LINGO2: variants seen among roughly 807,000 people sequenced by gnomAD.
The protein encoded by LINGO2 is leucine-rich repeat and immunoglobulin-like domain-containing nogo receptor-interacting protein 2.
LINGO2 carries 14 observed loss-of-function variants against 30.6 expected under a neutral mutation model. The observed-to-expected ratio is 0.46, with a 90% CI of 0.30 to 0.72. The LOEUF is 0.72. Among genes scored for constraint, LINGO2 ranks in the 30% least tolerant of loss-of-function variants. The pLI, the probability that LINGO2 is intolerant of heterozygous loss-of-function variation, is 0.07. For synonymous variants in LINGO2, 317 were observed against 288.5 expected (o/e 1.10, Z -1.00); for missense variants, 729 against 751.7 (o/e 0.97, Z 0.35).
At chr9:28,857,418 T>C in the LINGO2 span, among the ~76,000 whole-genome samples, 2 of 152,082 alleles carry the variant, frequency 1.3e-5, no homozygotes, top group East Asian at 3.9e-4. Flanking sequence ...ATAAATATTA[T>C]TTTTCCATAC....
chr9:28,506,373 C>T (rs1046871248), intron 1 of LINGO2, among the ~76,000 whole-genome samples: 1 of 144,720 alleles, frequency 6.9e-6, no homozygotes, highest in Non-Finnish European at 1.5e-5. Flanking sequence ...AGAAGATCTT[C>T]TAGTTTTAAT....
chr9:28,001,588 C>T (rs1431035858), intron 5 of LINGO2, among the ~76,000 whole-genome samples: 1 of 152,110 alleles, frequency 6.6e-6, no homozygotes, highest in Non-Finnish European at 1.5e-5. Flanking sequence ...TGCCCAAGTC[C>T]AGTGCTTTTC....
the LINGO2 span, among the ~76,000 whole-genome samples, chr9:28,933,449 G>T: frequency 6.6e-6 from 1 of 152,046 alleles, no homozygotes; most frequent in Non-Finnish European, 1.5e-5. Context: ...CATATTTTTT[G>T]ATGTTAACAA....
chr9:28,725,121 T>C, the LINGO2 span, among the ~76,000 whole-genome samples: 1 of 152,178 alleles, frequency 6.6e-6, no homozygotes, highest in East Asian at 1.9e-4. Context: ...GCAAACTTTT[T>C]ATACAGCAAC....
At chr9:28,368,462 G>A (rs1005046029) in intron 3 of LINGO2, among the ~76,000 whole-genome samples, 1 of 152,088 alleles carries the variant, frequency 6.6e-6, no homozygotes, top group Admixed American at 6.5e-5. Flanking sequence ...TTCTGAGAGC[G>A]AAGTTAGAGA....
At chr9:28,681,489 C>T in the LINGO2 span, among the ~76,000 whole-genome samples, 5 of 151,962 alleles carry the variant, frequency 3.3e-5, no homozygotes, top group African/African-American at 1.2e-4. Context: ...TTATAGAATG[C>T]AAACAGACAA....
At chr9:28,426,841 C>A (rs918671013) in intron 2 of LINGO2, among the ~76,000 whole-genome samples, 17 of 152,152 alleles carry the variant, frequency 1.1e-4, no homozygotes, top group Non-Finnish European at 2.1e-4. Context: ...CATCTACCTA[C>A]CAAACTCCCC....
At chr9:28,745,249 G>C in the LINGO2 span, among the ~76,000 whole-genome samples, 1 of 152,008 alleles carries the variant, frequency 6.6e-6, no homozygotes, top group Non-Finnish European at 1.5e-5. Context: ...TATTCAGTCA[G>C]TGTGTGGACA....
At chr9:28,059,558 G>A (rs1256844248) in intron 4 of LINGO2, among the ~76,000 whole-genome samples, 1 of 152,164 alleles carries the variant, frequency 6.6e-6, no homozygotes, top group Admixed American at 6.5e-5. Flanking sequence ...CTTCACAAGT[G>A]TGAGGAGACA....
intron 1 of LINGO2, among the ~76,000 whole-genome samples, chr9:28,626,010 CA>C (rs143873307): frequency 0.23 from 35,496 of 151,552 alleles, 4,964 homozygotes; most frequent in African/African-American, 0.38. Context: ...CAAAACAAAA[CA>C]AAAAAAACTA....
the LINGO2 span, among the ~76,000 whole-genome samples, chr9:28,951,377 T>TGG: frequency 7.0e-4 from 24 of 34,100 alleles, no homozygotes; most frequent in African/African-American, 2.3e-3. Flanking sequence ...GCAATGGGGG[T>TGG]GGGGGGGCAC....
intron 3 of LINGO2, among the ~76,000 whole-genome samples, chr9:28,297,977 T>C (rs1181127594): frequency 1.3e-5 from 2 of 152,184 alleles, no homozygotes; most frequent in East Asian, 1.9e-4. Context: ...ATTATTCTAT[T>C]TGTTTTCTCT....
chr9:27,986,189 A>G (rs1821115655), intron 5 of LINGO2, among the ~76,000 whole-genome samples: 1 of 151,644 alleles, frequency 6.6e-6, no homozygotes, highest in South Asian at 2.1e-4. Flanking sequence ...AGAAGACAGA[A>G]AAGAGACAGA....
chr9:28,996,998 A>G, the LINGO2 span, among the ~76,000 whole-genome samples: 3 of 152,230 alleles, frequency 2.0e-5, no homozygotes, highest in Non-Finnish European at 4.4e-5. Context: ...TGGCCAGGCA[A>G]GGACTGCAAA....
At chr9:29,170,448 G>T in the LINGO2 span, among the ~76,000 whole-genome samples, 87 of 152,124 alleles carry the variant, frequency 5.7e-4, no homozygotes, top group Non-Finnish European at 1.1e-3. Context: ...GACTATAAAA[G>T]GTGGGAAGGG....
chr9:28,604,026 C>T (rs1030260768), intron 1 of LINGO2, among the ~76,000 whole-genome samples: 7 of 151,968 alleles, frequency 4.6e-5, no homozygotes, highest in African/African-American at 1.7e-4. Flanking sequence ...AGTTTTTCTT[C>T]CGCAGATTTT....
chr9:29,079,550 G>A, the LINGO2 span, among the ~76,000 whole-genome samples: 2 of 151,876 alleles, frequency 1.3e-5, no homozygotes, highest in African/African-American at 2.4e-5. Context: ...ACCTAAAGTA[G>A]GCCAATATCA....
chr9:28,830,969 T>A, the LINGO2 span, among the ~76,000 whole-genome samples: 4,355 of 152,260 alleles, frequency 0.029, 186 homozygotes, highest in African/African-American at 0.099. Context: ...TGGGCTAACA[T>A]GAGAAGGGCT....
chr9:28,776,072 A>T, the LINGO2 span, among the ~76,000 whole-genome samples: 6 of 152,160 alleles, frequency 3.9e-5, no homozygotes, highest in Admixed American at 3.9e-4. Context: ...TTGTTTATTA[A>T]CAACATGGTT....
Sources: allele counts gnomAD v4.1 joint callset (sites outside exome capture counted in the v4.1 genomes callset), GRCh38; gene constraint gnomAD v4.1.1; transcripts MANE v1.5; gene names NCBI Gene and HGNC (gene_info 2026-07-23, HGNC 2026-07-21).